The following LANCL1 variants were observed in gnomAD, a reference collection of about 807,000 sequenced individuals.
LANCL1 encodes the protein LanC like glutathione S-transferase 1.
In LANCL1, 50 loss-of-function variants were observed where a neutral mutation model predicts 50.6. The observed-to-expected ratio is 0.99, with a 90% CI of 0.79 to 1.25. LANCL1 has a LOEUF of 1.25. Ranked by LOEUF, LANCL1 falls within the 50% of genes most tolerant of loss-of-function variation. The pLI, the probability that LANCL1 is intolerant of heterozygous loss-of-function variation, is 0.00. For synonymous variants in LANCL1, 188 were observed against 178.6 expected (o/e 1.05, Z -0.42); for missense variants, 532 against 480.7 (o/e 1.11, Z -1.00).
chr2:210,445,031 G>C (rs1381499778), intron 4 of LANCL1, among the ~76,000 whole-genome samples: 1 of 152,000 alleles, frequency 6.6e-6, no homozygotes, highest in Non-Finnish European at 1.5e-5. Context: ...AACTGTTACA[G>C]TAAACAATGA....
In LANCL1 at chr2:210,463,052, T is replaced by C. The variant is rs182740255; in HGVS notation, c.200-7738A>G. On this transcript the variant is annotated intron_variant, in intron 3 of 9. Coordinates refer to ENST00000450366, the MANE Select transcript of LANCL1 (RefSeq NM_006055.3). ...AAACACACATATACACACATGCTCA[T>C]AGGGTAAAGAGCAGGACTCAAGAGC... is the stretch of plus-strand genomic sequence containing the variant. Among the ~76,000 whole-genome samples, 34 of 152,276 alleles carry C rather than the reference T, an allele frequency of 2.2e-4. No individual in the cohort carries two copies. The East Asian group carries it at 3.5e-3, about 16-fold the overall frequency.
chr2:210,445,018 T>C (rs1693268586), intron 4 of LANCL1, among the ~76,000 whole-genome samples: 1 of 152,164 alleles, frequency 6.6e-6, no homozygotes, highest in African/African-American at 2.4e-5. Context: ...TAGATACAAA[T>C]TCAACTGTTA....
chr2:210,473,431 C>A (rs958239464), intron 2 of LANCL1, among the ~76,000 whole-genome samples: 2 of 152,142 alleles, frequency 1.3e-5, no homozygotes, highest in African/African-American at 2.4e-5. Flanking sequence ...TTGTCTCCCT[C>A]AATAATTTTA....
At chr2:210,461,945 T>C (rs923896278) in intron 3 of LANCL1, among the ~76,000 whole-genome samples, 2 of 152,226 alleles carry the variant, frequency 1.3e-5, no homozygotes, top group Admixed American at 1.3e-4. Context: ...TGATTAAATG[T>C]TTATTTCTAA....
chr2:210,440,708 C>G lies in LANCL1; in HGVS notation c.580G>C (p.Ala194Pro). 1 of 1,613,944 alleles carries G rather than the reference C, an allele frequency of 6.2e-7. No individual in the cohort carries two copies. The highest frequency in any genetic ancestry group is 2.2e-5 in the East Asian group (1 of 44,852). ...TTTGCCGTGAAGTTTCTCTTCCTAG[C>G]TAGGTTTTCTCCAGAGGTTAAAATT... The part of the protein sequence containing the change: ...ETILTSGENL[A>P]RKRNFTAKSP... The change falls in exon 6 of 10, where the codon GCT (alanine) becomes CCT (proline). Residue 194 changes from alanine to proline, a missense_variant. Coordinates refer to ENST00000450366, the MANE Select transcript of LANCL1 (RefSeq NM_006055.3).
chr2:210,455,336 A>C, intron 3 of LANCL1, 22 bp from the exon 4 acceptor site: 1 of 1,567,754 alleles, frequency 6.4e-7, no homozygotes, highest in South Asian at 1.2e-5. Flanking sequence ...AAAAGGAAAC[A>C]ATGTAAAGAT....
intron 4 of LANCL1, among the ~76,000 whole-genome samples, chr2:210,452,195 A>G (rs190118573): frequency 1.3e-3 from 197 of 151,994 alleles, no homozygotes; most frequent in African/African-American, 4.2e-3. Flanking sequence ...TGTATATTTT[A>G]CCACAATAAA....
chr2:210,475,163 G>A (rs1694321089), intron 2 of LANCL1, among the ~76,000 whole-genome samples: 1 of 151,796 alleles, frequency 6.6e-6, no homozygotes, highest in Admixed American at 6.6e-5. Flanking sequence ...GTGTTTTAAG[G>A]AAAAAAACAA....
intron 9 of LANCL1, 28 bp downstream of exon 9, chr2:210,435,359 G>A: frequency 1.3e-6 from 2 of 1,552,162 alleles, no homozygotes; most frequent in Non-Finnish European, 8.9e-7. Flanking sequence ...TGATATTATA[G>A]GGCAAATAAA....
Position 210,455,293 on chromosome 2 carries a change from T to C in LANCL1, c.221A>G (p.His74Arg). ...AGGGTCCCCAAATACATCATAAAGA[T>C]GTAAGTAAAGCACAGCAATACCTGA... Reference protein sequence around the residue: ...GWAGIAVLYLHLYDVFGDPAY... With the variant: ...GWAGIAVLYLRLYDVFGDPAY... Residue 74 changes from histidine to arginine, a missense_variant, in exon 4 of 10, where the codon CAT becomes CGT. Transcript: ENST00000450366. 1 of 1,597,614 alleles carries C rather than the reference T, an allele frequency of 6.3e-7. No individual in the cohort carries two copies. Among genetic ancestry groups the C allele is most frequent in the Non-Finnish European group, 8.5e-7 (1 of 1,174,132 alleles).
chr2:210,459,052 G>A (rs375975124), intron 3 of LANCL1, among the ~76,000 whole-genome samples: 8 of 152,152 alleles, frequency 5.3e-5, no homozygotes, highest in South Asian at 2.1e-4. Context: ...AAAAAATAGA[G>A]TGGAGACATG....
At chr2:210,441,992 C>T (rs766428229) in intron 4 of LANCL1, among the ~76,000 whole-genome samples, 26 of 152,114 alleles carry the variant, frequency 1.7e-4, no homozygotes, top group Admixed American at 2.6e-4. Flanking sequence ...GCAACCTCCG[C>T]CTCCCAGGTT....
rs997811707 is a variant in LANCL1, at chr2:210,476,710, C to G, written c.-107G>C. 8.6e-7 allele frequency: 1 copy of G among 1,156,828 alleles called. No homozygotes were observed. The highest frequency in any genetic ancestry group is 5.2e-5 in the East Asian group (1 of 19,412). The allele number at this position is 1,156,828 out of a possible 1,614,324, so 71.7% of individuals were successfully genotyped here. ...CCGCGTCCTGAAGCCCTTCTCGGCC[C>G]TGGCCTCTCACCCCGCAGCCCCGGA... On this transcript the variant is annotated 5_prime_UTR_variant, in exon 1 of 10. Coordinates refer to ENST00000450366, the MANE Select transcript of LANCL1 (RefSeq NM_006055.3).
At chr2:210,459,738 AAAC>A (rs940163496) in intron 3 of LANCL1, among the ~76,000 whole-genome samples, 18 of 46,442 alleles carry the variant, frequency 3.9e-4, no homozygotes, top group Admixed American at 1.7e-3. Flanking sequence ...TAACTATTAA[AAAC>A]AAACAAACAA....
intron 5 of LANCL1, 72 bp from the exon 6 acceptor site, chr2:210,440,816 T>C: frequency 2.1e-6 from 3 of 1,428,178 alleles, no homozygotes; most frequent in Non-Finnish European, 2.9e-6. Flanking sequence ...TAAAGACTTT[T>C]TTGCTAAGAG....
intron 3 of LANCL1, chr2:210,471,377 T>A (rs970515472): frequency 8.8e-6 from 3 of 342,610 alleles, no homozygotes; most frequent in African/African-American, 4.3e-5. Flanking sequence ...TCACCTTTTT[T>A]TGACATCAAT....
intron 4 of LANCL1, among the ~76,000 whole-genome samples, chr2:210,446,073 A>G (rs1462448583): frequency 6.6e-6 from 1 of 152,208 alleles, no homozygotes; most frequent in Non-Finnish European, 1.5e-5. Flanking sequence ...GGCTCTGAAG[A>G]GAGCAGTGGA....
Position 210,476,703 on chromosome 2 carries a change from C to A in LANCL1, c.-100G>T, listed in dbSNP as rs1036575265. ...GCGCCTCCCGCGTCCTGAAGCCCTTCTCGGCCCTGGCCTCTCACCCCGCAG... is the reference window on the plus strand; with the variant it reads ...GCGCCTCCCGCGTCCTGAAGCCCTTATCGGCCCTGGCCTCTCACCCCGCAG... On this transcript the variant is annotated 5_prime_UTR_variant, in exon 1 of 10. Coordinates refer to ENST00000450366, the MANE Select transcript of LANCL1 (RefSeq NM_006055.3). 4 of 1,178,164 alleles carry A rather than the reference C, an allele frequency of 3.4e-6. No individual in the cohort carries two copies. The highest frequency in any genetic ancestry group is 4.2e-6 in the Non-Finnish European group (4 of 948,704). The allele number at this position is 1,178,164 out of a possible 1,614,324, so 73.0% of individuals were successfully genotyped here. A position where few individuals can be genotyped will look rare whatever the true frequency, so the allele number is the denominator to read the frequency against.
chr2:210,474,456 C>A (rs1694300272), intron 2 of LANCL1, among the ~76,000 whole-genome samples: 1 of 151,990 alleles, frequency 6.6e-6, no homozygotes, highest in African/African-American at 2.4e-5. Flanking sequence ...TGGCTCACAC[C>A]TGTAATCCCG....
Sources: allele counts gnomAD v4.1 joint callset (sites outside exome capture counted in the v4.1 genomes callset), GRCh38; gene constraint gnomAD v4.1.1; transcripts MANE v1.5; gene names NCBI Gene and HGNC (gene_info 2026-07-23, HGNC 2026-07-21).